Variants in LINC00305 observed in about 807,000 individuals in gnomAD.
LINC00305 encodes long intergenic non-protein coding RNA 305.
intron 1 of LINC00305, among the ~76,000 whole-genome samples, chr18:64,142,243 A>C (rs1290201465): frequency 1.3e-5 from 2 of 152,158 alleles, no homozygotes; most frequent in East Asian, 1.9e-4. Context: ...TAGGTTATAA[A>C]ATGTTATGAA....
chr18:64,118,295 A>G lies in LINC00305; in HGVS notation n.315-19655T>C, dbSNP rs1055285135. On this transcript the variant is annotated intron_variant and non_coding_transcript_variant, in intron 1 of 3. Transcript: ENST00000666468. ...TCTTTCTCAAAATCCTCAATAATAA[A>G]TGTTCTGTAATGTAGATATACATAC... Among the ~76,000 whole-genome samples, 4 of 152,300 alleles carry G rather than the reference A, an allele frequency of 2.6e-5. No individual in the cohort carries two copies. The South Asian group carries it at 8.3e-4, about 32-fold the overall frequency.
At chr18:64,095,395 A>T (rs1349062995) in intron 3 of LINC00305, among the ~76,000 whole-genome samples, 1 of 152,226 alleles carries the variant, frequency 6.6e-6, no homozygotes, top group Non-Finnish European at 1.5e-5. Flanking sequence ...TTTATTGCAG[A>T]AGATAAATTA....
chr18:64,109,523 A>G (rs2051305945), intron 1 of LINC00305, among the ~76,000 whole-genome samples: 1 of 152,250 alleles, frequency 6.6e-6, no homozygotes, highest in African/African-American at 2.4e-5. Flanking sequence ...ACTTATTTAC[A>G]TATTGAGCCA....
chr18:64,093,166 TCCAGC>T (rs2051231610), intron 3 of LINC00305, among the ~76,000 whole-genome samples: 1 of 152,106 alleles, frequency 6.6e-6, no homozygotes, highest in Non-Finnish European at 1.5e-5. Flanking sequence ...CTGAAACCAC[TCCAGC>T]GATGAGGACT....
At chr18:64,084,243 T>C (rs1217570710) in intron 3 of LINC00305, among the ~76,000 whole-genome samples, 5 of 152,242 alleles carry the variant, frequency 3.3e-5, no homozygotes, top group Non-Finnish European at 7.3e-5. Flanking sequence ...AACTCAGTTT[T>C]AAGCTTCCTG....
intron 1 of LINC00305, among the ~76,000 whole-genome samples, chr18:64,122,460 G>C (rs2051366283): frequency 6.6e-6 from 1 of 151,942 alleles, no homozygotes; most frequent in Non-Finnish European, 1.5e-5. Flanking sequence ...TCTAGTGTAT[G>C]ATCTTGTCTA....
At chr18:64,084,501 A>C (rs2051196151) in intron 3 of LINC00305, among the ~76,000 whole-genome samples, 1 of 152,228 alleles carries the variant, frequency 6.6e-6, no homozygotes, top group Admixed American at 6.5e-5. Flanking sequence ...AAAGTTAAAA[A>C]ACAATGTTGC....
chr18:64,097,002 G>A (rs2051247558), intron 3 of LINC00305, among the ~76,000 whole-genome samples: 1 of 151,716 alleles, frequency 6.6e-6, no homozygotes, highest in South Asian at 2.1e-4. Flanking sequence ...AATAAATTTA[G>A]TAAATATTTA....
At chr18:64,114,141 G>GC (rs1208535030) in intron 1 of LINC00305, among the ~76,000 whole-genome samples, 2 of 152,132 alleles carry the variant, frequency 1.3e-5, no homozygotes, top group Non-Finnish European at 2.9e-5. Flanking sequence ...GTGGTGGCGG[G>GC]CGCCTGCAGT....
chr18:64,106,105 C>T (rs1442731804), intron 1 of LINC00305, among the ~76,000 whole-genome samples: 1 of 152,140 alleles, frequency 6.6e-6, no homozygotes, highest in African/African-American at 2.4e-5. Context: ...AAACTGAAGC[C>T]CTGATTGGCA....
intron 1 of LINC00305, among the ~76,000 whole-genome samples, chr18:64,125,471 C>T (rs1219292589): frequency 1.3e-5 from 2 of 152,028 alleles, no homozygotes; most frequent in East Asian, 3.9e-4. Context: ...ATATTTATCC[C>T]TTAATTATAC....
intron 1 of LINC00305, among the ~76,000 whole-genome samples, chr18:64,099,640 A>G (rs1368182883): frequency 6.6e-6 from 1 of 152,202 alleles, no homozygotes; most frequent in Non-Finnish European, 1.5e-5. Context: ...CAGAGGATTT[A>G]ACGTGTAATG....
intron 1 of LINC00305, among the ~76,000 whole-genome samples, chr18:64,141,096 TGAA>T (rs1441570525): frequency 2.0e-5 from 3 of 146,624 alleles, no homozygotes; most frequent in African/African-American, 7.5e-5. Context: ...CCCTGGAGCC[TGAA>T]GAAGAGTGCA....
chr18:64,091,685 A>G (rs544373890), intron 3 of LINC00305, among the ~76,000 whole-genome samples: 94 of 152,340 alleles, frequency 6.2e-4, no homozygotes, highest in African/African-American at 2.3e-3. Context: ...CTCAGGTGCT[A>G]ACATAAAATC....
intron 1 of LINC00305, among the ~76,000 whole-genome samples, chr18:64,133,856 T>C (rs2051420942): frequency 1.3e-5 from 2 of 152,226 alleles, no homozygotes; most frequent in African/African-American, 4.8e-5. Flanking sequence ...TCTATTATCG[T>C]TCTTTTCTGG....
intron 1 of LINC00305, among the ~76,000 whole-genome samples, chr18:64,145,461 C>T (rs973272098): frequency 1.3e-5 from 2 of 152,206 alleles, no homozygotes; most frequent in African/African-American, 4.8e-5. Context: ...CCCCTGGACC[C>T]AGCTTTCACT....
chr18:64,103,883 A>C (rs1568107766), intron 1 of LINC00305, among the ~76,000 whole-genome samples: 1 of 152,248 alleles, frequency 6.6e-6, no homozygotes, highest in Non-Finnish European at 1.5e-5. Flanking sequence ...ATCTGTGGAC[A>C]TGGACAGGGT....
intron 1 of LINC00305, among the ~76,000 whole-genome samples, chr18:64,125,981 C>G (rs956661514): frequency 1.3e-5 from 2 of 151,968 alleles, no homozygotes; most frequent in Admixed American, 1.3e-4. Flanking sequence ...GGCTTCTCAG[C>G]CTCCAGAACT....
intron 1 of LINC00305, among the ~76,000 whole-genome samples, chr18:64,120,969 T>C (rs2051359212): frequency 6.6e-6 from 1 of 152,150 alleles, no homozygotes; most frequent in Non-Finnish European, 1.5e-5. Flanking sequence ...CTCATAGGCA[T>C]GTGCTCAAAA....
Sources: allele counts gnomAD v4.1 joint callset (sites outside exome capture counted in the v4.1 genomes callset), GRCh38; gene constraint gnomAD v4.1.1; transcripts MANE v1.5; gene names NCBI Gene and HGNC (gene_info 2026-07-23, HGNC 2026-07-21).